The following SEPTIN7 variants were observed in gnomAD, a reference collection of about 807,000 sequenced individuals.
SEPTIN7 encodes the protein septin-7.
In SEPTIN7, 10 loss-of-function variants were observed where a neutral mutation model predicts 63.3. That is an observed-to-expected ratio of 0.16 (90% confidence interval 0.10 to 0.27). The LOEUF is 0.27. Ranked by LOEUF, SEPTIN7 falls within the 10% of genes least tolerant of loss-of-function variation. The pLI, the probability that SEPTIN7 is intolerant of heterozygous loss-of-function variation, is 1.00. For synonymous variants in SEPTIN7, 131 were observed against 165.3 expected, an observed-to-expected ratio of 0.79 and a Z score of 1.59; for missense variants, 310 against 521.0, an observed-to-expected ratio of 0.59 and a Z score of 3.94.
chr7:35,863,324 A>G (rs1364864143), intron 3 of SEPTIN7, among the ~76,000 whole-genome samples: 5 of 152,150 alleles, frequency 3.3e-5, no homozygotes, highest in Admixed American at 2.6e-4. Context: ...AATGAATATA[A>G]GTGGTATAAT....
intron 12 of SEPTIN7, chr7:35,900,782 G>A (rs1368932069): frequency 1.3e-5 from 2 of 152,166 alleles, no homozygotes; most frequent in Non-Finnish European, 2.9e-5. Flanking sequence ...TACTGTGAAT[G>A]GTGAAGACAG....
chr7:35,908,899 G>T (rs1456502078), downstream of SEPTIN7, among the ~76,000 whole-genome samples: 1 of 152,148 alleles, frequency 6.6e-6, no homozygotes, highest in African/African-American at 2.4e-5. Context: ...TAATTCTGTT[G>T]TCTTTGAATT....
At chr7:35,870,156 C>T (rs866432094) in intron 4 of SEPTIN7, among the ~76,000 whole-genome samples, 4 of 151,980 alleles carry the variant, frequency 2.6e-5, no homozygotes, top group Admixed American at 6.6e-5. Context: ...TGTATTTGAC[C>T]GTGTATGGAT....
intron 4 of SEPTIN7, among the ~76,000 whole-genome samples, chr7:35,865,542 C>T (rs1348969253): frequency 6.7e-6 from 1 of 150,132 alleles, no homozygotes; most frequent in Non-Finnish European, 1.5e-5. Flanking sequence ...TTTAGATAAG[C>T]CTTTGGGTTT....
chr7:35,803,093 A>G, intron 1 of SEPTIN7: 3 of 765,778 alleles, frequency 3.9e-6, no homozygotes, highest in Non-Finnish European at 4.8e-6. Context: ...AGTTGATTTT[A>G]ATTAGTTCTT....
chr7:35,893,773 A>G (rs767215809), intron 11 of SEPTIN7, among the ~76,000 whole-genome samples: 10 of 152,216 alleles, frequency 6.6e-5, no homozygotes, highest in Non-Finnish European at 1.0e-4. Context: ...CCCTAGAACA[A>G]TTCTATTTCA....
chr7:35,854,215 A>G (rs1353706150), intron 3 of SEPTIN7, among the ~76,000 whole-genome samples: 9 of 152,236 alleles, frequency 5.9e-5, no homozygotes, highest in Non-Finnish European at 1.3e-4. Flanking sequence ...CACAACCTGT[A>G]GCATCTATCT....
chr7:35,853,693 GTCTT>G (rs1455074185), intron 3 of SEPTIN7, among the ~76,000 whole-genome samples: 2 of 152,196 alleles, frequency 1.3e-5, no homozygotes, highest in Admixed American at 1.3e-4. Flanking sequence ...CTAGCTCAAT[GTCTT>G]TCTTATAGTT....
intron 3 of SEPTIN7, among the ~76,000 whole-genome samples, chr7:35,858,908 G>C (rs1785355773): frequency 6.6e-6 from 1 of 151,276 alleles, no homozygotes; most frequent in South Asian, 2.1e-4. Flanking sequence ...TTGAACTCCT[G>C]ACCTCAGGTG....
chr7:35,891,451 C>T (rs1376909188), intron 11 of SEPTIN7, among the ~76,000 whole-genome samples: 1 of 152,142 alleles, frequency 6.6e-6, no homozygotes, highest in Non-Finnish European at 1.5e-5. Flanking sequence ...AGGCTATAAA[C>T]CTATACAGCA....
At chr7:35,888,781 C>T (rs1250583644) in intron 10 of SEPTIN7, 2 of 266,406 alleles carry the variant, frequency 7.5e-6, no homozygotes, top group Admixed American at 5.0e-5. Flanking sequence ...GATCGTACCA[C>T]TGCATTCCAT....
At chr7:35,858,415 G>T (rs1421908925) in intron 3 of SEPTIN7, among the ~76,000 whole-genome samples, 1 of 152,120 alleles carries the variant, frequency 6.6e-6, no homozygotes. Context: ...GCGTGCAGTA[G>T]TGCGATCTTG....
chr7:35,861,789 A>G (rs1785526103), intron 3 of SEPTIN7, among the ~76,000 whole-genome samples: 1 of 152,222 alleles, frequency 6.6e-6, no homozygotes, highest in African/African-American at 2.4e-5. Context: ...GTTACAAGTT[A>G]GGTCTGCACT....
intron 10 of SEPTIN7, among the ~76,000 whole-genome samples, chr7:35,886,389 A>G (rs536352358): frequency 2.0e-5 from 3 of 151,590 alleles, no homozygotes; most frequent in South Asian, 4.2e-4. Flanking sequence ...AGGAAAGCCT[A>G]TGGGAGCAGG....
At chr7:35,826,478 A>G (rs1783523356) in intron 1 of SEPTIN7, among the ~76,000 whole-genome samples, 1 of 151,702 alleles carries the variant, frequency 6.6e-6, no homozygotes, top group Middle Eastern at 3.4e-3. Flanking sequence ...TTTGAAATAC[A>G]AAGTTACTAA....
chr7:35,849,500 T>C (rs1784850992), intron 3 of SEPTIN7, among the ~76,000 whole-genome samples: 1 of 152,184 alleles, frequency 6.6e-6, no homozygotes, highest in Admixed American at 6.5e-5. Flanking sequence ...ACCACTCACC[T>C]CCTGCTGTGT....
At chr7:35,825,325 T>G (rs1783442285) in intron 1 of SEPTIN7, among the ~76,000 whole-genome samples, 1 of 152,210 alleles carries the variant, frequency 6.6e-6, no homozygotes. Flanking sequence ...CTATAGTTCC[T>G]TGATCCTAAA....
At chr7:35,841,440 T>C (rs1021835333) in intron 3 of SEPTIN7, among the ~76,000 whole-genome samples, 9 of 152,194 alleles carry the variant, frequency 5.9e-5, no homozygotes, top group African/African-American at 2.2e-4. Flanking sequence ...TTGAAAATAA[T>C]ACAAGAAACT....
chr7:35,863,737 G>A (rs1785643999), intron 4 of SEPTIN7, 79 bp downstream of exon 4: 1 of 703,510 alleles, frequency 1.4e-6, no homozygotes, highest in Admixed American at 3.4e-5. Context: ...CTTTTATTAG[G>A]CTTCCTTAGA....
Sources: allele counts gnomAD v4.1 joint callset (sites outside exome capture counted in the v4.1 genomes callset), GRCh38; gene constraint gnomAD v4.1.1; transcripts MANE v1.5; gene names NCBI Gene and HGNC (gene_info 2026-07-23, HGNC 2026-07-21).